Variants in POLE2 observed in about 807,000 individuals in gnomAD.
The protein encoded by POLE2 is DNA polymerase epsilon 2, accessory subunit.
A neutral mutation model predicts 79.4 loss-of-function variants in POLE2; 56 were observed. The ratio of observed to expected loss-of-function variants is 0.71; its 90% CI spans 0.57 to 0.88. The LOEUF (loss-of-function observed/expected upper bound fraction) is 0.88, where lower values mean the gene tolerates loss of function less well. POLE2 is among the 40% of genes least tolerant of loss of function. The pLI, the probability that POLE2 is intolerant of heterozygous loss-of-function variation, is 0.00. For synonymous variants in POLE2, 212 were observed against 214.0 expected, an observed-to-expected ratio of 0.99 and a Z score of 0.08; for missense variants, 598 against 638.9, an observed-to-expected ratio of 0.94 and a Z score of 0.69.
rs551000352 is a variant in POLE2, at chr14:49,663,660, C to G, written c.683-273G>C. ...ATTAGGAAATGTTTCATTTTATGGC[C>G]CTATATAAAATTAAGTGTTTTTTTC... On this transcript the variant is annotated intron_variant, in intron 9 of 18. Coordinates refer to ENST00000216367, the MANE Select transcript of POLE2 (RefSeq NM_002692.4). Among the ~76,000 whole-genome samples the G allele has an allele frequency of 3.3e-5, 5 of 152,140 alleles. No homozygotes were observed. The South Asian group carries it at 1.0e-3, about 32-fold the overall frequency.
intron 17 of POLE2, 158 bp downstream of exon 17, chr14:49,650,107 G>T: frequency 2.4e-6 from 1 of 418,222 alleles, no homozygotes; most frequent in Non-Finnish European, 4.0e-6. Flanking sequence ...AGAACTTTCT[G>T]TGTATACCAA....
intron 14 of POLE2, 40 bp downstream of exon 14, chr14:49,654,115 A>G: frequency 6.3e-7 from 1 of 1,593,562 alleles, no homozygotes; most frequent in Non-Finnish European, 8.6e-7. Context: ...AAGTTTTACA[A>G]AATTTTCTAC....
intron 7 of POLE2, 60 bp downstream of exon 7, chr14:49,666,270 T>C: frequency 2.4e-6 from 2 of 841,640 alleles, no homozygotes; most frequent in East Asian, 2.6e-5. Context: ...AAATGTTCTA[T>C]GTAACCGACA....
At chr14:49,644,582 G>T (rs1427098397) in intron 18 of POLE2, among the ~76,000 whole-genome samples, 2 of 151,332 alleles carry the variant, frequency 1.3e-5, no homozygotes, top group African/African-American at 4.9e-5. Flanking sequence ...AAAACATACA[G>T]AAGTGATAGG....
chr14:49,664,789 T>C (rs892950903), intron 8 of POLE2, 115 bp from the exon 9 acceptor site: 10 of 728,490 alleles, frequency 1.4e-5, no homozygotes, highest in Non-Finnish European at 2.2e-5. Flanking sequence ...CATTTGAAAC[T>C]GTGAATAGAC....
chr14:49,665,090 A>G lies in POLE2; in HGVS notation c.633+17T>C, dbSNP rs903102972. 5.1e-6 allele frequency: 6 copies of G among 1,182,822 alleles called. No individual in the cohort carries two copies. The Admixed American group carries it at 5.7e-5, about 11-fold the overall frequency. 73.3% of individuals were successfully genotyped at this position (1,182,822 alleles called of 1,614,324 possible). On this transcript the variant is annotated intron_variant, in intron 8 of 18. Coordinates refer to ENST00000216367, the MANE Select transcript of POLE2 (RefSeq NM_002692.4). ...ACGTAATGCAGATTTTAAAAAATAC[A>G]GACAAGTGAAGGATATAGCTTTACT...
At chr14:49,670,133 T>G (rs917455213) in intron 5 of POLE2, among the ~76,000 whole-genome samples, 2 of 151,786 alleles carry the variant, frequency 1.3e-5, no homozygotes, top group Non-Finnish European at 2.9e-5. Flanking sequence ...CTGGCCAACA[T>G]AGTGAAACCA....
chr14:49,650,422 G>C lies in POLE2; in HGVS notation c.1340C>G (p.Ser447Cys). Residue 447 changes from serine to cysteine, a missense_variant, in exon 17 of 19, where the codon TCC becomes TGC. Transcript: ENST00000216367. ...AGGTAGGGGAGTCAGATGTCCTTGGGATAAGATAGTCTTTACAAACTACAA... is the reference window on the plus strand; with the variant it reads ...AGGTAGGGGAGTCAGATGTCCTTGGCATAAGATAGTCTTTACAAACTACAA... ...IPNHFVKTIL[S>C]QGHLTPLPLY... 1 of 1,516,654 alleles carries C rather than the reference G, an allele frequency of 6.6e-7. No homozygotes were observed. Among genetic ancestry groups the C allele is most frequent in the Non-Finnish European group, 8.9e-7 (1 of 1,127,678 alleles). 93.9% of individuals were successfully genotyped at this position (1,516,654 alleles called of 1,614,324 possible). A position where few individuals can be genotyped will look rare whatever the true frequency, so the allele number is the denominator to read the frequency against.
Position 49,669,497 on chromosome 14 carries a change from C to A in POLE2, c.492+27G>T, listed in dbSNP as rs367563296. On this transcript the variant is annotated intron_variant, in intron 6 of 18. Transcript: ENST00000216367. ...ATATTAAACTTACACACTTATACCCCCTACATAACTAGGATAATGTTCTAA... is the reference window on the plus strand; with the variant it reads ...ATATTAAACTTACACACTTATACCCACTACATAACTAGGATAATGTTCTAA... 1.3e-5 allele frequency: 14 copies of A among 1,097,094 alleles called. No homozygotes were observed. In the African/African-American group the frequency reaches 2.2e-4, roughly 17 times the overall value. The allele number at this position is 1,097,094 out of a possible 1,614,324, so 68.0% of individuals were successfully genotyped here. A position where few individuals can be genotyped will look rare whatever the true frequency, so the allele number is the denominator to read the frequency against.
chr14:49,688,079 AG>A (rs1434723737), intron 1 of POLE2, 56 bp downstream of exon 1: 3 of 1,360,488 alleles, frequency 2.2e-6, no homozygotes, highest in Non-Finnish European at 3.1e-6. Context: ...CTGCCGCACC[AG>A]GCAGACGGGC....
chr14:49,654,711 TATAAC>T, intron 13 of POLE2, 68 bp downstream of exon 13: 1 of 1,442,286 alleles, frequency 6.9e-7, no homozygotes, highest in Non-Finnish European at 9.2e-7. Context: ...TAATTGCTGA[TATAAC>T]AAAATTCATT....
intron 3 of POLE2, chr14:49,677,700 G>A (rs1415513664): frequency 6.6e-6 from 9 of 1,361,762 alleles, no homozygotes; most frequent in East Asian, 2.6e-5. Flanking sequence ...TTCAAGAAAC[G>A]TGACAGTGTG....
chr14:49,665,625 C>CACAGATG (rs999118893), intron 7 of POLE2, among the ~76,000 whole-genome samples: 3 of 151,400 alleles, frequency 2.0e-5, no homozygotes, highest in African/African-American at 7.3e-5. Flanking sequence ...GGAAACCAAA[C>CACAGATG]ACAGATGAAA....
intron 16 of POLE2, among the ~76,000 whole-genome samples, 197 bp downstream of exon 16, chr14:49,651,072 A>G (rs1178735406): frequency 1.2e-5 from 1 of 80,090 alleles, no homozygotes; most frequent in Non-Finnish European, 2.4e-5. Flanking sequence ...TCTGTCCTCT[A>G]AAGGACATAC....
intron 2 of POLE2, among the ~76,000 whole-genome samples, chr14:49,683,117 A>AAAG (rs1439901078): frequency 3.9e-5 from 6 of 152,092 alleles, no homozygotes; most frequent in African/African-American, 1.4e-4. Context: ...TTAAAATAAA[A>AAAG]AAGGCCGGGT....
intron 10 of POLE2, among the ~76,000 whole-genome samples, chr14:49,662,752 G>A (rs1228692246): frequency 6.6e-6 from 1 of 152,178 alleles, no homozygotes; most frequent in Non-Finnish European, 1.5e-5. Flanking sequence ...ACCTCAAAGT[G>A]GGGAGAAGAA....
At chr14:49,660,619 T>C (rs1051034014) in intron 10 of POLE2, among the ~76,000 whole-genome samples, 1 of 152,152 alleles carries the variant, frequency 6.6e-6, no homozygotes, top group Non-Finnish European at 1.5e-5. Flanking sequence ...CCAGGCACAG[T>C]GGCTCACACC....
chr14:49,654,911 C>A, intron 12 of POLE2, 73 bp from the exon 13 acceptor site: 1 of 1,392,262 alleles, frequency 7.2e-7, no homozygotes, highest in Non-Finnish European at 9.5e-7. Context: ...AGATACAATC[C>A]TGTATATTCT....
intron 3 of POLE2, among the ~76,000 whole-genome samples, chr14:49,675,256 G>A (rs556567651): frequency 1.3e-5 from 2 of 150,752 alleles, no homozygotes; most frequent in South Asian, 2.1e-4. Context: ...AGCTAATTTT[G>A]TATTTTTAAC....
Sources: gnomAD v4.1 joint callset for allele counts (sites outside exome capture counted in the v4.1 genomes callset) on GRCh38, gnomAD v4.1.1 for gene constraint, MANE v1.5 for transcripts, NCBI Gene and HGNC (gene_info 2026-07-23, HGNC 2026-07-21) for gene names.